Variants in MUC5B observed in about 807,000 individuals in gnomAD.
MUC5B encodes mucin 5B, oligomeric mucus/gel-forming.
Under a neutral mutation model 376.9 loss-of-function variants are expected in MUC5B, and 116 were observed. The observed-to-expected ratio is 0.31, with a 90% confidence interval of 0.26 to 0.36. MUC5B has a LOEUF of 0.36. Ranked by LOEUF, MUC5B falls within the 10% of genes least tolerant of loss-of-function variation. The probability of loss-of-function intolerance (pLI) is 1.00; values close to 1 mark genes in which losing one functional copy is unlikely to be tolerated. For synonymous variants in MUC5B, 3,517 were observed against 3,390.9 expected (o/e 1.04, Z -1.29); for missense variants, 7,165 against 7,769.9 (o/e 0.92, Z 2.93).
In MUC5B at chr11:1,231,575, G is replaced by A. The variant is rs1214192138; in HGVS notation, c.1678+15G>A. 1.9e-6 allele frequency: 3 copies of A among 1,556,434 alleles called. No individual in the cohort carries two copies. The highest frequency in any genetic ancestry group is 2.6e-6 in the Non-Finnish European group (3 of 1,153,906). On this transcript the variant is annotated intron_variant, in intron 14 of 48. Transcript: ENST00000529681. The stretch of plus-strand genomic sequence containing the variant: ...CCAGATGTGCGGTGAGGCTGGGCAG[G>A]GGCCTTCGGGGACAGGGCCATTGGG...
intron 31 of MUC5B, among the ~76,000 whole-genome samples, chr11:1,252,131 T>C (rs989751022): frequency 4.0e-5 from 6 of 151,404 alleles, no homozygotes; most frequent in Admixed American, 2.0e-4. Context: ...CCACAATCCA[T>C]CCCCACTGGC....
chr11:1,235,812 C>T (rs757496313), intron 23 of MUC5B, among the ~76,000 whole-genome samples: 10 of 151,664 alleles, frequency 6.6e-5, no homozygotes, highest in Non-Finnish European at 8.8e-5. Flanking sequence ...CCCGCCCCCA[C>T]GTAGTCCAGG....
At position 1,242,628 on chromosome 11, in the gene MUC5B, G is replaced by C; in HGVS notation, c.5748G>C (p.Thr1916=). 1.2e-6 allele frequency: 2 copies of C among 1,613,394 alleles called. No homozygotes were observed. Among genetic ancestry groups the C allele is most frequent in the Non-Finnish European group, 8.5e-7 (1 of 1,179,732 alleles). The stretch of plus-strand genomic sequence containing the variant: ...CAAAGCCGACCACAACAGCCACTAC[G>C]ACTGCGTCCACTGGATCCACGGCCA... ...ILTKPTTTAT[T]TASTGSTATP... is the part of the protein sequence containing the mutation. Residue 1916 remains threonine (T), a synonymous_variant, in exon 31 of 49, where the codon ACG becomes ACC. Transcript: ENST00000529681.
rs377533930 is a variant in MUC5B, at chr11:1,251,445, C to A, written c.14565C>A (p.Ala4855=). 1.9e-6 allele frequency: 3 copies of A among 1,612,258 alleles called. No homozygotes were observed. The highest frequency in any genetic ancestry group is 2.5e-6 in the Non-Finnish European group (3 of 1,178,998). Residue 4855 remains alanine (A), a synonymous_variant, in exon 31 of 49, where the codon GCC becomes GCA. Coordinates refer to ENST00000529681, the MANE Select transcript of MUC5B (RefSeq NM_002458.3). ...TWILTEPSTI[A]TVMVPTGSTA... The stretch of plus-strand genomic sequence containing the variant: ...TCCTCACAGAGCCGAGCACTATAGC[C>A]ACCGTGATGGTGCCCACCGGTTCCA...
Position 1,258,426 on chromosome 11 carries a change from C to T in MUC5B, c.16593+59C>T. On this transcript the variant is annotated intron_variant, in intron 43 of 48. Transcript: ENST00000529681. This position sits in a 1 kb window ranked among gnomAD's most constrained non-coding sequence, Gnocchi z 5.5. Reference sequence around the variant, plus strand: ...GGGCCTGAACATGTGTGTGGGATGCCCCGGGGCTCTCTGAGCCCCACTCCT... The same window carrying T: ...GGGCCTGAACATGTGTGTGGGATGCTCCGGGGCTCTCTGAGCCCCACTCCT... The T allele has an allele frequency of 6.3e-7, 1 of 1,586,054 alleles. No individual in the cohort carries two copies.
Position 1,226,868 on chromosome 11 carries a change from T to A in MUC5B, c.453T>A (p.Asn151Lys), listed in dbSNP as rs1413493092. ...CGTCCAACGGCTCCGTCCTCATCAA[T>A]GGGCAGCGGTGAGCCGGCCACCCTG... ...LEASNGSVLINGQREELPYSR... is the reference protein window; with the variant it reads ...LEASNGSVLIKGQREELPYSR... The change falls in exon 4 of 49, where the codon AAT becomes AAA. Residue 151 changes from asparagine to lysine, a missense_variant. Physicochemically the swap from Asn to Lys is moderately conservative, Grantham distance 94. This residue lies in a region of MUC5B where 640 missense variants were observed against 733.0 expected (regional missense o/e 0.87). Transcript: ENST00000529681. The A allele has an allele frequency of 6.3e-7, 1 of 1,582,916 alleles. No homozygotes were observed. Among genetic ancestry groups the A allele is most frequent in the African/African-American group, 1.4e-5 (1 of 73,014 alleles).
chr11:1,261,557 G>T lies in MUC5B; in HGVS notation c.17238G>T (p.Met5746Ile). ...CGCCCTTCTGTGTCCCTGCGCCCAT[G>T]GCTCCCCCACACACCCGTGGCTTCC... ...GCTPFCVPAPMAPPHTRGFPA... is the reference protein window; with the variant it reads ...GCTPFCVPAPIAPPHTRGFPA... Residue 5746 changes from methionine (M) to isoleucine (I), a missense_variant, in exon 49 of 49, where the codon ATG becomes ATT. By Grantham distance (10) the Met-to-Ile change is conservative. Transcript: ENST00000529681. 1 of 1,608,934 alleles carries T rather than the reference G, an allele frequency of 6.2e-7. No individual in the cohort carries two copies. Among genetic ancestry groups the T allele is most frequent in the Non-Finnish European group, 8.5e-7 (1 of 1,178,614 alleles).
rs1862784485 is a variant in MUC5B, at chr11:1,254,608, T to C, written c.15478-86T>C. The C allele has an allele frequency of 2.9e-6, 4 of 1,381,820 alleles. No homozygotes were observed. The East Asian group carries it at 9.8e-5, about 34-fold the overall frequency. 85.6% of individuals were successfully genotyped at this position (1,381,820 alleles called of 1,614,324 possible). On this transcript the variant is annotated intron_variant, in intron 34 of 48. Transcript: ENST00000529681. Reference sequence around the variant, plus strand: ...GGATACACAGGGGGGTCTCTGCACATGGAGGCAGAGCCCCAAAGAGAAGCC... The same window carrying C: ...GGATACACAGGGGGGTCTCTGCACACGGAGGCAGAGCCCCAAAGAGAAGCC...
In MUC5B at chr11:1,230,804, C is replaced by T. The variant is rs975809053; in HGVS notation, c.1471-132C>T. On this transcript the variant is annotated intron_variant, in intron 12 of 48. Transcript: ENST00000529681. The stretch of plus-strand genomic sequence containing the variant: ...CCCGGGGGGGCAATTGCAGAGCCCA[C>T]CGCAGGTCCAGGTCTGAGCTTCTCT... 37 of 1,144,420 alleles carry T rather than the reference C, an allele frequency of 3.2e-5. 1 individual carries two copies. Among genetic ancestry groups the T allele is most frequent in the Middle Eastern group, 4.7e-4 (2 of 4,282 alleles). The allele number at this position is 1,144,420 out of a possible 1,614,324, so 70.9% of individuals were successfully genotyped here.
intron 1 of MUC5B, among the ~76,000 whole-genome samples, chr11:1,224,530 GC>G (rs1168907269): frequency 4.8e-5 from 7 of 145,392 alleles, no homozygotes; most frequent in African/African-American, 1.5e-4. Flanking sequence ...GCTGCCTGGG[GC>G]GGGGGAGGGG....
Position 1,236,449 on chromosome 11 carries a change from C to A in MUC5B, c.2944C>A (p.Pro982Thr), listed in dbSNP as rs1862159498. Reference protein sequence around the residue: ...KAVARGPGGDPPYKIRYMGIF... With the variant: ...KAVARGPGGDTPYKIRYMGIF... The stretch of plus-strand genomic sequence containing the variant: ...GGTGGCGAGAGGGCCGGGTGGGGAC[C>A]CACCCTACAAGATACGCTACATGGG... Residue 982 changes from proline (P) to threonine (T), a missense_variant, in exon 24 of 49, where the codon CCA becomes ACA. By Grantham distance (38) the Pro-to-Thr change is conservative. Around this residue, in one of 31 missense-constraint regions of MUC5B, gnomAD observed 530 missense variants for 604.0 expected, o/e 0.88. Transcript: ENST00000529681. 1.2e-6 allele frequency: 2 copies of A among 1,612,720 alleles called. No homozygotes were observed. Among genetic ancestry groups the A allele is most frequent in the Non-Finnish European group, 1.7e-6 (2 of 1,179,792 alleles).
chr11:1,223,154 G>T lies in MUC5B; in HGVS notation c.31G>T (p.Val11Leu). Residue 11 changes from valine (V) to leucine (L), a missense_variant, in exon 1 of 49, where the codon GTG (valine) becomes TTG (leucine). Val to Leu is a conservative substitution (Grantham distance 32). This residue lies in a region of MUC5B where 640 missense variants were observed against 733.0 expected (regional missense o/e 0.87). Transcript: ENST00000529681. MGAPSACRTL[V>L]LALAAMLVVP... ...TGCCCCGAGCGCGTGCCGGACGCTG[G>T]TGTTGGCTCTGGCGGCCATGCTCGT... 1.4e-6 allele frequency: 1 copy of T among 709,616 alleles called. No homozygotes were observed. The highest frequency in any genetic ancestry group is 2.6e-6 in the Non-Finnish European group (1 of 384,600). 44.0% of individuals were successfully genotyped at this position (709,616 alleles called of 1,614,324 possible). A position where few individuals can be genotyped will look rare whatever the true frequency, so the allele number is the denominator to read the frequency against.
At position 1,245,894 on chromosome 11, in the gene MUC5B, C is replaced by T. The variant is rs1379350567; in HGVS notation, c.9014C>T (p.Thr3005Ile). The change falls in exon 31 of 49, where the codon ACC becomes ATC. Residue 3005 changes from threonine (T) to isoleucine (I), a missense_variant. By Grantham distance (89) the Thr-to-Ile change is moderately conservative. Coordinates refer to ENST00000529681, the MANE Select transcript of MUC5B (RefSeq NM_002458.3). ...ACCACAGCAGCCACTACGACCGCAA[C>T]CACTGGATCCACGGCCATCCCGTCC... ...EQTTAATTTA[T>I]TGSTAIPSST... 9 of 1,613,206 alleles carry T rather than the reference C, an allele frequency of 5.6e-6. No homozygotes were observed. The highest frequency in any genetic ancestry group is 7.6e-6 in the Non-Finnish European group (9 of 1,179,792).
chr11:1,249,641 C>G lies in MUC5B; in HGVS notation c.12761C>G (p.Thr4254Ser). The change falls in exon 31 of 49, where the codon ACC (threonine) becomes AGC (serine). Residue 4254 changes from threonine (T) to serine (S), a missense_variant. By Grantham distance (58) the Thr-to-Ser change is moderately conservative. Around this residue, in one of 31 missense-constraint regions of MUC5B, gnomAD observed 431 missense variants for 390.4 expected, o/e 1.10. Transcript: ENST00000529681. Reference protein sequence around the residue: ...PGTTWILTELTTTATTTASTG... With the variant: ...PGTTWILTELSTTATTTASTG... ...ACGACCTGGATCCTCACAGAGCTGA[C>G]CACAACAGCCACTACGACTGCATCC... 1.2e-6 allele frequency: 2 copies of G among 1,611,690 alleles called. No homozygotes were observed. The highest frequency in any genetic ancestry group is 1.3e-5 in the African/African-American group (1 of 74,822).
rs772022281 is a variant in MUC5B, at chr11:1,230,040, T to G, written c.1256T>G (p.Leu419Arg). ...GGGGGGCTATGGCAGTGCCAGGACCTGCCGTGCCCTGGCACCTGCTCTGTG... is the reference window on the plus strand; with the variant it reads ...GGGGGGCTATGGCAGTGCCAGGACCGGCCGTGCCCTGGCACCTGCTCTGTG... ...CSGGLWQCQDLPCPGTCSVQG... is the reference protein window; with the variant it reads ...CSGGLWQCQDRPCPGTCSVQG... The change falls in exon 11 of 49, where the codon CTG (leucine) becomes CGG (arginine). Residue 419 changes from leucine to arginine, a missense_variant. By Grantham distance (102) the Leu-to-Arg change is moderately radical. This residue lies in a region of MUC5B where 640 missense variants were observed against 733.0 expected (regional missense o/e 0.87). Coordinates refer to ENST00000529681, the MANE Select transcript of MUC5B (RefSeq NM_002458.3). 2.5e-6 allele frequency: 4 copies of G among 1,609,132 alleles called. No individual in the cohort carries two copies. The highest frequency in any genetic ancestry group is 8.5e-7 in the Non-Finnish European group (1 of 1,178,410).
Position 1,237,019 on chromosome 11 carries a change from T to C in MUC5B, c.3152T>C (p.Phe1051Ser), listed in dbSNP as rs1435889786. Residue 1051 changes from phenylalanine to serine, a missense_variant, in exon 25 of 49, where the codon TTT becomes TCT. Coordinates refer to ENST00000529681, the MANE Select transcript of MUC5B (RefSeq NM_002458.3). Reference protein sequence around the residue: ...SRSVVGDALEFGNSWKLSPSC... With the variant: ...SRSVVGDALESGNSWKLSPSC... ...TCCGTGGTGGGGGACGCACTGGAGT[T>C]TGGGAACAGCTGGAAGCTCTCCCCC... is the stretch of plus-strand genomic sequence containing the variant. 1.9e-6 allele frequency: 3 copies of C among 1,576,820 alleles called. No homozygotes were observed. The Admixed American group carries it at 5.5e-5, about 29-fold the overall frequency.
Position 1,232,006 on chromosome 11 carries a change from G to T in MUC5B, c.1689G>T (p.Gly563=), listed in dbSNP as rs1862038877. ...AHQGQMCGLC[G]NFNQNQADDF... ...AACCCTGGCCCCCAGGCCTGTGTGGGAACTTCAACCAGAACCAGGCTGACG... is the reference window on the plus strand; with the variant it reads ...AACCCTGGCCCCCAGGCCTGTGTGGTAACTTCAACCAGAACCAGGCTGACG... The change falls in exon 15 of 49, where the codon GGG becomes GGT. Residue 563 remains glycine, a synonymous_variant. Transcript: ENST00000529681. 3.7e-6 allele frequency: 6 copies of T among 1,612,694 alleles called. No homozygotes were observed. The highest frequency in any genetic ancestry group is 5.1e-6 in the Non-Finnish European group (6 of 1,179,796).
In MUC5B at chr11:1,242,383, T is replaced by G. The variant is rs1236161363; in HGVS notation, c.5503T>G (p.Tyr1835Asp). 5.6e-6 allele frequency: 9 copies of G among 1,613,758 alleles called. No homozygotes were observed. The highest frequency in any genetic ancestry group is 8.5e-7 in the Non-Finnish European group (1 of 1,179,862). The change falls in exon 31 of 49, where the codon TAC becomes GAC. Residue 1835 changes from tyrosine to aspartate, a missense_variant. Around this residue, in one of 31 missense-constraint regions of MUC5B, gnomAD observed 897 missense variants for 779.6 expected, o/e 1.15. Coordinates refer to ENST00000529681, the MANE Select transcript of MUC5B (RefSeq NM_002458.3). ...PKSIECRAEN[Y>D]PEVSIDQVGQ... ...GAGCATAGAGTGCCGGGCGGAGAAC[T>G]ACCCCGAGGTAAGCATCGACCAGGT...
At position 1,249,921 on chromosome 11, in the gene MUC5B, C is replaced by A. The variant is rs764033234; in HGVS notation, c.13041C>A (p.Thr4347=). The change falls in exon 31 of 49, where the codon ACC becomes ACA. Residue 4347 remains threonine, a synonymous_variant. Transcript: ENST00000529681. The stretch of plus-strand genomic sequence containing the variant: ...AACAGACCACCACACCCGTGGCCAC[C>A]ATGTCCACAATCCACCCCTCCTCCA... ...LPEQTTTPVA[T]MSTIHPSSTP... 16 of 1,613,400 alleles carry A rather than the reference C, an allele frequency of 9.9e-6. 1 individual carries two copies. The highest frequency in any genetic ancestry group is 3.3e-4 in the Middle Eastern group (2 of 6,056).
Sources: allele counts gnomAD v4.1 joint callset (sites outside exome capture counted in the v4.1 genomes callset), GRCh38; gene constraint gnomAD v4.1.1; regional missense constraint gnomAD v4.1.1; non-coding constraint Gnocchi (gnomAD v3.1); transcripts MANE v1.5; gene names NCBI Gene and HGNC (gene_info 2026-07-23, HGNC 2026-07-21).